The following AMD1 variants were observed in gnomAD, a reference collection of about 807,000 sequenced individuals.
AMD1 encodes the protein adenosylmethionine decarboxylase 1.
Under a neutral mutation model 40.2 loss-of-function variants are expected in AMD1, and 11 were observed. The observed-to-expected ratio is 0.27, with a 90% CI of 0.17 to 0.45. The LOEUF (loss-of-function observed/expected upper bound fraction) is 0.45, where lower values mean the gene tolerates loss of function less well. Among genes scored for constraint, AMD1 ranks in the 20% least tolerant of loss-of-function variants. The probability of loss-of-function intolerance (pLI) is 1.00; values close to 1 mark genes in which losing one functional copy is unlikely to be tolerated. For missense variants in AMD1, 257 were observed against 410.2 expected, an observed-to-expected ratio of 0.63 and a Z score of 3.23; for synonymous variants, 121 against 130.8, an observed-to-expected ratio of 0.93 and a Z score of 0.51.
intron 2 of AMD1, 177 bp from the exon 3 acceptor site, chr6:110,888,680 A>G: frequency 2.0e-6 from 1 of 495,948 alleles, no homozygotes; most frequent in Non-Finnish European, 3.5e-6. Flanking sequence ...ACCATGTGCC[A>G]AGCCCTGGGG....
the AMD1 span, among the ~76,000 whole-genome samples, chr6:110,829,218 A>G: frequency 6.6e-6 from 1 of 151,800 alleles, no homozygotes. Flanking sequence ...GCCTGGCCTG[A>G]GTATAGAATC....
intron 1 of AMD1, among the ~76,000 whole-genome samples, chr6:110,878,183 A>T (rs1190437982): frequency 6.6e-6 from 1 of 152,166 alleles, no homozygotes; most frequent in Admixed American, 6.5e-5. Flanking sequence ...GGGAAACAAC[A>T]TACTTCCCTC....
At chr6:110,858,715 G>A in the AMD1 span, 2 of 813,072 alleles carry the variant, frequency 2.5e-6, no homozygotes, top group Non-Finnish European at 4.3e-6. Flanking sequence ...ACGCCACCAT[G>A]AAGGCTGGCC....
the AMD1 span, chr6:110,859,093 C>T: frequency 2.3e-6 from 3 of 1,319,094 alleles, no homozygotes; most frequent in South Asian, 2.5e-5. Context: ...GGCGCGCAGG[C>T]TCGGGGGAGG....
chr6:110,892,649 C>T (rs1786087006), intron 6 of AMD1, 86 bp from the exon 7 acceptor site: 1 of 1,510,260 alleles, frequency 6.6e-7, no homozygotes. Flanking sequence ...GGTCCTCTCC[C>T]TTCTCCCACC....
the AMD1 span, among the ~76,000 whole-genome samples, chr6:110,853,793 AG>A: frequency 2.6e-5 from 4 of 152,186 alleles, no homozygotes; most frequent in East Asian, 7.7e-4. Context: ...AGTTGAAGCT[AG>A]GAATTCTCTA....
At chr6:110,823,121 A>G in the AMD1 span, among the ~76,000 whole-genome samples, 1 of 152,236 alleles carries the variant, frequency 6.6e-6, no homozygotes, top group Non-Finnish European at 1.5e-5. Context: ...GTCTCAAAAA[A>G]AAGCATACAA....
the AMD1 span, among the ~76,000 whole-genome samples, chr6:110,857,508 G>C: frequency 1.4e-5 from 2 of 140,120 alleles, no homozygotes; most frequent in Non-Finnish European, 3.1e-5. Flanking sequence ...ACTCCAGCCT[G>C]GGCAACAAGT....
Position 110,888,853 on chromosome 6 carries a change from G to A in AMD1, c.198-4G>A, listed in dbSNP as rs1403139123. 2 of 1,608,476 alleles carry A rather than the reference G, an allele frequency of 1.2e-6. No individual in the cohort carries two copies. The highest frequency in any genetic ancestry group is 2.7e-5 in the African/African-American group (2 of 74,702). On this transcript the variant is annotated splice_polypyrimidine_tract_variant and splice_region_variant and intron_variant, in intron 2 of 8. Coordinates refer to ENST00000368885, the MANE Select transcript of AMD1 (RefSeq NM_001634.6). ...TATAATATTGTGACTTTTTTCAACT[G>A]CAGTGAGAGTAGCATGTTTGTCTCC...
the AMD1 span, among the ~76,000 whole-genome samples, chr6:110,846,781 G>A: frequency 6.6e-6 from 1 of 151,720 alleles, no homozygotes; most frequent in African/African-American, 2.4e-5. Context: ...GAGGCAGGAG[G>A]ATTGCTTGAA....
chr6:110,846,584 G>A, the AMD1 span, among the ~76,000 whole-genome samples: 9 of 152,088 alleles, frequency 5.9e-5, no homozygotes, highest in South Asian at 1.7e-3. Context: ...TCTCAAGTTG[G>A]CTTGGTGTGG....
chr6:110,889,021 A>G (rs1327427321), intron 3 of AMD1, 38 bp downstream of exon 3: 1 of 1,605,380 alleles, frequency 6.2e-7, no homozygotes, highest in East Asian at 2.2e-5. Flanking sequence ...TCAGGCATAA[A>G]TGTTAGCGTT....
At chr6:110,887,892 G>A (rs1190706237) in intron 2 of AMD1, among the ~76,000 whole-genome samples, 1 of 152,044 alleles carries the variant, frequency 6.6e-6, no homozygotes, top group Non-Finnish European at 1.5e-5. Flanking sequence ...CACCATGTTG[G>A]CCAGGCTGGT....
chr6:110,835,703 T>TA, the AMD1 span, among the ~76,000 whole-genome samples: 1 of 151,810 alleles, frequency 6.6e-6, no homozygotes, highest in African/African-American at 2.4e-5. Flanking sequence ...ATGTCTCTAT[T>TA]AAAGTACAAA....
At chr6:110,826,472 A>G in the AMD1 span, among the ~76,000 whole-genome samples, 1 of 151,870 alleles carries the variant, frequency 6.6e-6, no homozygotes, top group East Asian at 1.9e-4. Flanking sequence ...ATTAGCTCAC[A>G]GTCCTGGAGG....
chr6:110,815,417 T>A, the AMD1 span: 1 of 285,112 alleles, frequency 3.5e-6, no homozygotes, highest in Non-Finnish European at 6.5e-6. Flanking sequence ...TTCCTTGTTT[T>A]GGAACCTGGT....
At chr6:110,866,752 T>C in the AMD1 span, among the ~76,000 whole-genome samples, 2 of 151,782 alleles carry the variant, frequency 1.3e-5, no homozygotes, top group Admixed American at 6.6e-5. Context: ...AGAGAGACTT[T>C]GAGACTTCCT....
At chr6:110,818,744 G>T in the AMD1 span, among the ~76,000 whole-genome samples, 1 of 152,130 alleles carries the variant, frequency 6.6e-6, no homozygotes, top group African/African-American at 2.4e-5. Context: ...TGCCATGTTG[G>T]CCAGGCTGGT....
chr6:110,833,856 G>T, the AMD1 span, among the ~76,000 whole-genome samples: 27 of 152,036 alleles, frequency 1.8e-4, no homozygotes, highest in Non-Finnish European at 7.4e-5. Context: ...TCTATGAAAA[G>T]AAATAACGAT....
Sources: allele counts gnomAD v4.1 joint callset (sites outside exome capture counted in the v4.1 genomes callset), GRCh38; gene constraint gnomAD v4.1.1; transcripts MANE v1.5; gene names NCBI Gene and HGNC (gene_info 2026-07-23, HGNC 2026-07-21).